IL12RB2: variants seen among roughly 807,000 people sequenced by gnomAD.
IL12RB2 encodes interleukin 12 receptor subunit beta 2.
Under a neutral mutation model 89.4 loss-of-function variants are expected in IL12RB2, and 82 were observed. That is an observed-to-expected ratio of 0.92 (90% confidence interval 0.77 to 1.10). The LOEUF is 1.10. Ranked by LOEUF, IL12RB2 falls within the 50% of genes least tolerant of loss-of-function variation. IL12RB2 has a pLI of 0.00. For missense variants in IL12RB2, 963 were observed against 1,031.9 expected (o/e 0.93, Z 0.92); for synonymous variants, 368 against 370.1 (o/e 0.99, Z 0.07).
At chr1:67,377,891 T>G (rs1032569335) in intron 13 of IL12RB2, among the ~76,000 whole-genome samples, 2 of 152,022 alleles carry the variant, frequency 1.3e-5, no homozygotes. Context: ...TTTCGGAGGC[T>G]GAGGCAGGCG....
Position 67,320,291 on chromosome 1 carries a change from C to A in IL12RB2, c.-36-42C>A, listed in dbSNP as rs915826464. ...TGAGCTATTTTGGCTCTGGTATTTT[C>A]TGAACATATTTAACATGAATGAATT... On this transcript the variant is annotated intron_variant, in intron 2 of 16. Transcript: ENST00000674203. 3 of 1,611,576 alleles carry A rather than the reference C, an allele frequency of 1.9e-6. No individual in the cohort carries two copies. The African/African-American group carries it at 4.0e-5, about 22-fold the overall frequency.
intron 3 of IL12RB2, among the ~76,000 whole-genome samples, chr1:67,320,753 T>G (rs1468931316): frequency 6.6e-6 from 1 of 152,184 alleles, no homozygotes; most frequent in Non-Finnish European, 1.5e-5. Context: ...CTTTTTTTTA[T>G]TATACTTTAA....
At chr1:67,320,751 T>A (rs915509806) in intron 3 of IL12RB2, among the ~76,000 whole-genome samples, 6 of 152,222 alleles carry the variant, frequency 3.9e-5, no homozygotes, top group Admixed American at 3.3e-4. Flanking sequence ...TTCTTTTTTT[T>A]ATTATACTTT....
At position 67,367,818 on chromosome 1, in the gene IL12RB2, G is replaced by T. The variant is rs2252596; in HGVS notation, c.1259-7G>T. The stretch of plus-strand genomic sequence containing the variant: ...TATTTTGTTTCTCCTCTTTCTGTCC[G>T]ATAAAGGGTTGCTGGCTCCTCGCCA... On this transcript the variant is annotated splice_region_variant and splice_polypyrimidine_tract_variant and intron_variant, in intron 10 of 16. Transcript: ENST00000674203. 19 of 1,500,374 alleles carry T rather than the reference G, an allele frequency of 1.3e-5. No individual in the cohort carries two copies. The South Asian group carries it at 2.1e-4, about 17-fold the overall frequency. The allele number at this position is 1,500,374 out of a possible 1,614,324, so 92.9% of individuals were successfully genotyped here. A position where few individuals can be genotyped will look rare whatever the true frequency, so the allele number is the denominator to read the frequency against.
At chr1:67,387,228 C>A (rs2100242284) in intron 15 of IL12RB2, among the ~76,000 whole-genome samples, 1 of 151,752 alleles carries the variant, frequency 6.6e-6, no homozygotes, top group South Asian at 2.1e-4. Flanking sequence ...CTGCACCAAG[C>A]CTATTCTATT....
At chr1:67,359,713 CAAAAAAAA>C (rs561928830) in intron 10 of IL12RB2, among the ~76,000 whole-genome samples, 6 of 150,228 alleles carry the variant, frequency 4.0e-5, no homozygotes, top group Admixed American at 1.3e-4. Flanking sequence ...CAGAGCATCT[CAAAAAAAA>C]AACAAAAAAA....
chr1:67,319,235 C>T (rs781480750), intron 2 of IL12RB2, among the ~76,000 whole-genome samples: 1 of 152,152 alleles, frequency 6.6e-6, no homozygotes, highest in South Asian at 2.1e-4. Context: ...GGCCTGACAT[C>T]ACAGAACTTC....
chr1:67,337,267 A>T (rs1033022608), intron 8 of IL12RB2, among the ~76,000 whole-genome samples: 6 of 151,984 alleles, frequency 3.9e-5, no homozygotes, highest in Non-Finnish European at 8.8e-5. Flanking sequence ...CTAGGAAAAA[A>T]CCCCAGCGCA....
chr1:67,346,378 ATTTTTTTTTTT>A lies in IL12RB2; in HGVS notation c.1039-4475_1039-4465del, dbSNP rs10577525. 9.1e-4 allele frequency among the ~76,000 whole-genome samples: 85 copies of A among 93,832 alleles called. 1 individual carries two copies. In the South Asian group the frequency reaches 0.017, roughly 19 times the overall value. 61.6% of individuals were successfully genotyped at this position (93,832 alleles called of 152,430 possible). A position where few individuals can be genotyped will look rare whatever the true frequency, so the allele number is the denominator to read the frequency against. On this transcript the variant is annotated intron_variant, in intron 9 of 16. Transcript: ENST00000674203. ...TAAAATGTCCAGGTGAGGGTTGTCT[ATTTTTTTTTTT>A]TTTTTTTTTTTTTTTTCGACAGGTT...
chr1:67,338,375 T>G (rs1231748338), intron 8 of IL12RB2, among the ~76,000 whole-genome samples: 3 of 61,658 alleles, frequency 4.9e-5, no homozygotes, highest in Non-Finnish European at 8.4e-5. Flanking sequence ...AAAAAAAAAG[T>G]AAGTTAAGAA....
chr1:67,380,980 C>T (rs1305185224), intron 14 of IL12RB2, among the ~76,000 whole-genome samples: 1 of 152,176 alleles, frequency 6.6e-6, no homozygotes, highest in African/African-American at 2.4e-5. Flanking sequence ...GGGTTTAGGA[C>T]TTCAACATAC....
chr1:67,330,276 A>ATTTTT (rs1558307810), intron 7 of IL12RB2, among the ~76,000 whole-genome samples: 32 of 11,792 alleles, frequency 2.7e-3, no homozygotes, highest in South Asian at 0.025. Flanking sequence ...GTTTTTTTAA[A>ATTTTT]AAAAAAAAAA....
At chr1:67,353,655 T>A (rs1661077204) in intron 10 of IL12RB2, among the ~76,000 whole-genome samples, 2 of 152,328 alleles carry the variant, frequency 1.3e-5, no homozygotes, top group South Asian at 4.1e-4. Context: ...TGAATATAGA[T>A]CAAAATGTTA....
intron 15 of IL12RB2, 121 bp from the exon 16 acceptor site, chr1:67,389,908 T>C (rs1665619761): frequency 1.4e-6 from 1 of 697,386 alleles, no homozygotes; most frequent in Admixed American, 2.0e-5. Flanking sequence ...TGTCTTTCAG[T>C]GTTTATCTTT....
intron 5 of IL12RB2, among the ~76,000 whole-genome samples, 176 bp from the exon 6 acceptor site, chr1:67,328,024 T>C (rs904042101): frequency 2.0e-5 from 3 of 152,236 alleles, no homozygotes; most frequent in Non-Finnish European, 4.4e-5. Context: ...TTGGGTGAAG[T>C]ATAGTCTTAC....
chr1:67,366,743 G>A (rs910923861), intron 10 of IL12RB2, among the ~76,000 whole-genome samples: 2 of 152,116 alleles, frequency 1.3e-5, no homozygotes, highest in African/African-American at 2.4e-5. Flanking sequence ...GCACACAAGA[G>A]AACATGCAAG....
intron 2 of IL12RB2, among the ~76,000 whole-genome samples, chr1:67,319,541 C>T (rs1656219160): frequency 6.6e-6 from 1 of 152,144 alleles, no homozygotes; most frequent in Admixed American, 6.5e-5. Context: ...TCTACTGATT[C>T]CAGAATCACT....
chr1:67,315,369 G>A (rs1655624241), intron 2 of IL12RB2, among the ~76,000 whole-genome samples: 2 of 151,924 alleles, frequency 1.3e-5, no homozygotes, highest in South Asian at 4.2e-4. Context: ...TTTCTACAAA[G>A]GGGCGCCATA....
intron 9 of IL12RB2, among the ~76,000 whole-genome samples, chr1:67,350,260 A>T (rs1325048532): frequency 6.6e-6 from 1 of 152,264 alleles, no homozygotes; most frequent in Non-Finnish European, 1.5e-5. Flanking sequence ...ATTGCTCCCA[A>T]ATGATCTCAA....
Sources: allele counts gnomAD v4.1 joint callset (sites outside exome capture counted in the v4.1 genomes callset), GRCh38; gene constraint gnomAD v4.1.1; transcripts MANE v1.5; gene names NCBI Gene and HGNC (gene_info 2026-07-23, HGNC 2026-07-21).